CCT3: variants seen among roughly 807,000 people sequenced by gnomAD.
CCT3 encodes chaperonin containing TCP1 subunit 3.
Under a neutral mutation model 65.3 loss-of-function variants are expected in CCT3, and 10 were observed. The ratio of observed to expected loss-of-function variants is 0.15; its 90% confidence interval spans 0.09 to 0.26. CCT3 has a LOEUF of 0.26. CCT3 is among the 10% of genes least tolerant of loss of function. CCT3 has a pLI of 1.00. For synonymous variants in CCT3, 225 were observed against 242.3 expected (o/e 0.93, Z 0.66); for missense variants, 626 against 708.7 (o/e 0.88, Z 1.33).
At chr1:156,321,136 G>C (rs1664538272) in intron 6 of CCT3, 111 bp from the exon 7 acceptor site, 1 of 843,414 alleles carries the variant, frequency 1.2e-6, no homozygotes, top group Non-Finnish European at 1.8e-6. Flanking sequence ...CAGAACAAGG[G>C]GATTTGTTCC....
chr1:156,318,932 T>G lies in CCT3; in HGVS notation c.695A>C (p.Tyr232Ser). The change falls in exon 8 of 14, where the codon TAT becomes TCT. Residue 232 changes from tyrosine to serine, a missense_variant. Tyr to Ser is a moderately radical substitution (Grantham distance 144). Transcript: ENST00000295688. ...KDVTHPRMRR[Y>S]IKNPRIVLLD... ...CAGCACAATGCGAGGGTTCTTGATA[T>G]AGCGCCGCATACGTGGATGGGTCAC... 1 of 1,614,160 alleles carries G rather than the reference T, an allele frequency of 6.2e-7. No individual in the cohort carries two copies. Among genetic ancestry groups the G allele is most frequent in the Non-Finnish European group, 8.5e-7 (1 of 1,180,014 alleles).
At chr1:156,334,172 G>C (rs1665229860) in intron 4 of CCT3, among the ~76,000 whole-genome samples, 1 of 151,668 alleles carries the variant, frequency 6.6e-6, no homozygotes, top group Non-Finnish European at 1.5e-5. Context: ...CCATGAGGCG[G>C]AGGCTGCAGT....
rs1394379010 is a variant in CCT3 at position 156,312,071 on chromosome 1, G to A, written c.1125C>T (p.Leu375=). Residue 375 remains leucine (L), a synonymous_variant, in exon 11 of 14, where the codon CTC becomes CTT. Coordinates refer to ENST00000295688, the MANE Select transcript of CCT3 (RefSeq NM_005998.5). The part of the protein sequence containing the change: ...DCKDPKACTI[L]LRGASKEILS... ...GAATCTCTTTGCTAGCCCCCCGGAG[G>A]AGAATGGTGCAGGCCTTGGGGTCTT... 7 of 1,611,548 alleles carry A rather than the reference G, an allele frequency of 4.3e-6. No individual in the cohort carries two copies. Among genetic ancestry groups the A allele is most frequent in the Non-Finnish European group, 5.1e-6 (6 of 1,178,998 alleles).
intron 6 of CCT3, among the ~76,000 whole-genome samples, chr1:156,323,891 T>C (rs570382904): frequency 1.3e-5 from 2 of 151,694 alleles, no homozygotes; most frequent in African/African-American, 4.8e-5. Context: ...GCCCCCCGAG[T>C]AGCTGGGATT....
At chr1:156,323,539 A>G (rs1664661099) in intron 6 of CCT3, among the ~76,000 whole-genome samples, 1 of 152,054 alleles carries the variant, frequency 6.6e-6, no homozygotes, top group Admixed American at 6.5e-5. Context: ...ATCTCTGCTC[A>G]CTGCAAGCTC....
chr1:156,331,408 C>T (rs1415303992), intron 5 of CCT3, among the ~76,000 whole-genome samples: 3 of 152,172 alleles, frequency 2.0e-5, no homozygotes, highest in Non-Finnish European at 4.4e-5. Context: ...CTTGGCTGGG[C>T]GCAGTGGCTC....
At chr1:156,311,891 T>C (rs1238748540) in intron 11 of CCT3, 150 bp downstream of exon 11, 10 of 475,342 alleles carry the variant, frequency 2.1e-5, no homozygotes, top group Non-Finnish European at 3.1e-5. Context: ...AATTATTTAA[T>C]TAAAAAAAGG....
intron 5 of CCT3, among the ~76,000 whole-genome samples, chr1:156,326,768 G>A (rs1332109858): frequency 6.6e-6 from 1 of 152,116 alleles, no homozygotes; most frequent in Non-Finnish European, 1.5e-5. Flanking sequence ...CTTTCTGGCT[G>A]GGAATGGTGG....
chr1:156,329,648 T>C (rs981738539), intron 5 of CCT3, among the ~76,000 whole-genome samples: 5 of 149,794 alleles, frequency 3.3e-5, no homozygotes, highest in Non-Finnish European at 7.4e-5. Flanking sequence ...TTTTAAAAGA[T>C]GGCTGAGTGG....
At chr1:156,328,677 T>C (rs1664968406) in intron 5 of CCT3, among the ~76,000 whole-genome samples, 1 of 151,938 alleles carries the variant, frequency 6.6e-6, no homozygotes, top group African/African-American at 2.4e-5. Flanking sequence ...TTAAGAGTCA[T>C]CACCACTCCC....
chr1:156,318,307 T>C (rs1047304090), intron 8 of CCT3, among the ~76,000 whole-genome samples: 3 of 150,016 alleles, frequency 2.0e-5, no homozygotes, highest in African/African-American at 7.3e-5. Flanking sequence ...CCTTGCACCC[T>C]TGACCTTCTG....
At position 156,309,159 on chromosome 1, in the gene CCT3, C is replaced by T. The variant is rs1309199561; in HGVS notation, c.*40G>A. On this transcript the variant is annotated 3_prime_UTR_variant, in exon 14 of 14. Coordinates refer to ENST00000295688, the MANE Select transcript of CCT3 (RefSeq NM_005998.5). ...CACTCTGGCTCAGGAAAAGGGGAGA[C>T]TCTGCTGGTTCTGTGCATTGAAGTA... The T allele has an allele frequency of 7.6e-7, 1 of 1,324,038 alleles. No individual in the cohort carries two copies. Among genetic ancestry groups the T allele is most frequent in the Admixed American group, 1.7e-5 (1 of 59,538 alleles). 82.0% of individuals were successfully genotyped at this position (1,324,038 alleles called of 1,614,324 possible).
chr1:156,316,050 T>G (rs1203853121), intron 10 of CCT3, among the ~76,000 whole-genome samples: 1 of 149,496 alleles, frequency 6.7e-6, no homozygotes, highest in African/African-American at 2.5e-5. Context: ...GAGTTGGCCC[T>G]CTATATCCGC....
chr1:156,310,279 G>C (rs1477274545), intron 13 of CCT3, among the ~76,000 whole-genome samples: 2 of 151,980 alleles, frequency 1.3e-5, no homozygotes, highest in Non-Finnish European at 2.9e-5. Flanking sequence ...GATCATCTGA[G>C]GTCAGGAGTT....
chr1:156,332,125 C>G (rs1486199881), intron 5 of CCT3, among the ~76,000 whole-genome samples: 2 of 152,156 alleles, frequency 1.3e-5, no homozygotes, highest in Admixed American at 6.5e-5. Flanking sequence ...TCCTGCCTCA[C>G]CGACCTCAGC....
chr1:156,328,865 TAAAA>T (rs138492431), intron 5 of CCT3, among the ~76,000 whole-genome samples: 2 of 145,948 alleles, frequency 1.4e-5, no homozygotes, highest in Admixed American at 1.4e-4. Context: ...AAAATAAAAA[TAAAA>T]AAAAAAAATG....
At position 156,310,262 on chromosome 1, in the gene CCT3, G is replaced by A. The variant is rs149766764; in HGVS notation, c.1533+296C>T. 3.1e-3 allele frequency among the ~76,000 whole-genome samples: 477 copies of A among 151,548 alleles called. 3 individuals are homozygous for A. Among genetic ancestry groups the A allele is most frequent in the African/African-American group, 0.011 (466 of 41,352 alleles). The stretch of plus-strand genomic sequence containing the variant: ...AACTCCAGCACTTTGGGAGGCCAAG[G>A]TGGGTAGATCATCTGAGGTCAGGAG... On this transcript the variant is annotated intron_variant, in intron 13 of 13. Transcript: ENST00000295688.
chr1:156,337,048 T>C (rs1385331899), intron 1 of CCT3: 2 of 1,279,370 alleles, frequency 1.6e-6, no homozygotes, highest in African/African-American at 1.5e-5. Context: ...GCAGATGAGG[T>C]ACAGAAGTTA....
chr1:156,310,868 G>T, intron 12 of CCT3, 82 bp downstream of exon 12: 1 of 1,520,608 alleles, frequency 6.6e-7, no homozygotes, highest in African/African-American at 1.4e-5. Flanking sequence ...AGAGAATTTG[G>T]ATAGCCAGAT....
Sources: allele counts gnomAD v4.1 joint callset (sites outside exome capture counted in the v4.1 genomes callset), GRCh38; gene constraint gnomAD v4.1.1; transcripts MANE v1.5; gene names NCBI Gene and HGNC (gene_info 2026-07-23, HGNC 2026-07-21).